SYNE1: variants seen among roughly 807,000 people sequenced by gnomAD.
SYNE1 encodes spectrin repeat containing nuclear envelope protein 1, also known as nesprin-1.
Under a neutral mutation model 1,111.0 loss-of-function variants are expected in SYNE1, and 616 were observed. The ratio of observed to expected loss-of-function variants is 0.55; its 90% confidence interval spans 0.52 to 0.59. The LOEUF is 0.59. SYNE1 is among the 20% of genes least tolerant of loss of function. The pLI is 0.00. For missense variants in SYNE1, 10,006 were observed against 10,417.0 expected, an observed-to-expected ratio of 0.96 and a Z score of 1.72; for synonymous variants, 3,855 against 3,825.8, an observed-to-expected ratio of 1.01 and a Z score of -0.28.
chr6:152,301,131 T>A (rs1311877029), intron 92 of SYNE1, among the ~76,000 whole-genome samples: 1 of 152,216 alleles, frequency 6.6e-6, no homozygotes. Context: ...GAAATAAAGC[T>A]TGGTCTTTTG....
intron 142 of SYNE1, 29 bp from the exon 143 acceptor site, chr6:152,133,517 C>T (rs201748466): frequency 1.2e-6 from 2 of 1,609,368 alleles, no homozygotes; most frequent in Non-Finnish European, 1.7e-6. Flanking sequence ...ATTAATTTTT[C>T]TAAGCATTTT....
chr6:152,431,293 C>G (rs1379011495), intron 34 of SYNE1, among the ~76,000 whole-genome samples: 1 of 152,178 alleles, frequency 6.6e-6, no homozygotes, highest in Admixed American at 6.5e-5. Context: ...TTCAGACTTA[C>G]TAAGTCTAAG....
At chr6:152,230,820 A>T in intron 114 of SYNE1, 118 bp from the exon 115 acceptor site, 1 of 1,181,474 alleles carries the variant, frequency 8.5e-7, no homozygotes, top group Admixed American at 2.0e-5. Context: ...AATACAGTTC[A>T]TCGTATATAT....
chr6:152,353,194 C>T, intron 69 of SYNE1, 69 bp downstream of exon 69: 1 of 1,565,082 alleles, frequency 6.4e-7, no homozygotes, highest in Non-Finnish European at 8.8e-7. Context: ...TTTCCAGTAT[C>T]TATGCAGGAG....
chr6:152,191,563 T>C (rs181219323), intron 127 of SYNE1, among the ~76,000 whole-genome samples: 3 of 152,294 alleles, frequency 2.0e-5, no homozygotes, highest in African/African-American at 7.2e-5. Flanking sequence ...TATTGGCATA[T>C]AGTTGCTCAT....
In SYNE1 at chr6:152,364,927, G is replaced by A. The variant is rs772459606; in HGVS notation, c.10065C>T (p.Gly3355=). The A allele has an allele frequency of 2.5e-6, 4 of 1,614,220 alleles. No homozygotes were observed. The highest frequency in any genetic ancestry group is 2.5e-6 in the Non-Finnish European group (3 of 1,180,044). The change falls in exon 63 of 146, where the codon GGC becomes GGT. Residue 3355 remains glycine (G), a synonymous_variant. Coordinates refer to ENST00000367255, the MANE Select transcript of SYNE1 (RefSeq NM_182961.4). The stretch of plus-strand genomic sequence containing the variant: ...GCAGCTGCTGCTGAATAGTGGGAAT[G>A]CCTTCTGGAGAAGTATTCTGAAGGA... ...ESVLQNTSPE[G]IPTIQQQLQS... is the part of the protein sequence containing the mutation.
chr6:152,268,951 A>G (rs982566460), intron 99 of SYNE1, among the ~76,000 whole-genome samples: 3 of 152,200 alleles, frequency 2.0e-5, no homozygotes, highest in African/African-American at 7.2e-5. Context: ...AGCTTTTCTT[A>G]AAGACTGGAT....
intron 11 of SYNE1, among the ~76,000 whole-genome samples, chr6:152,493,204 T>A (rs181804795): frequency 1.1e-4 from 17 of 152,126 alleles, no homozygotes; most frequent in African/African-American, 3.9e-4. Context: ...CAGTATCCCA[T>A]CCCACAACAG....
At chr6:152,365,484 G>A (rs1276822059) in intron 62 of SYNE1, among the ~76,000 whole-genome samples, 2 of 152,128 alleles carry the variant, frequency 1.3e-5, no homozygotes, top group East Asian at 3.8e-4. Context: ...TTTAGAGACA[G>A]AGTCTATCTT....
Position 152,148,088 on chromosome 6 carries a change from C to T in SYNE1, c.24933G>A (p.Gln8311=), listed in dbSNP as rs1199972696. 1.9e-6 allele frequency: 3 copies of T among 1,614,202 alleles called. No individual in the cohort carries two copies. Among genetic ancestry groups the T allele is most frequent in the South Asian group, 2.2e-5 (2 of 91,082 alleles). ...CCCGGAGGTAGAAATCTTTGTCATC[C>T]TGACCTTCTTCATCCTCAGAGGGCA... The part of the protein sequence containing the change: ...RALPSEDEEG[Q]DDKDFYLRGA... The change falls in exon 137 of 146, where the codon CAG becomes CAA. Residue 8311 remains glutamine, a synonymous_variant. Transcript: ENST00000367255. This position sits in a 1 kb window ranked among gnomAD's most constrained non-coding sequence, Gnocchi z 4.1.
intron 55 of SYNE1, 22 bp from the exon 56 acceptor site, chr6:152,381,384 G>T (rs778229417): frequency 2.6e-5 from 42 of 1,609,260 alleles, no homozygotes; most frequent in Non-Finnish European, 3.5e-5. Flanking sequence ...TATCACCATG[G>T]TAACTGAAGA....
At chr6:152,398,017 A>G (rs2097762747) in intron 49 of SYNE1, among the ~76,000 whole-genome samples, 1 of 151,676 alleles carries the variant, frequency 6.6e-6, no homozygotes, top group African/African-American at 2.4e-5. Context: ...AAAAAAAAAG[A>G]AAAAGGTTAC....
intron 91 of SYNE1, among the ~76,000 whole-genome samples, chr6:152,303,386 G>A (rs931865823): frequency 1.4e-5 from 2 of 145,230 alleles, no homozygotes; most frequent in South Asian, 4.4e-4. Context: ...CTGGGCAACA[G>A]AGTGAGACTC....
rs567971717 is a variant in SYNE1 at position 152,369,363 on chromosome 6, T to G, written c.9651+108A>C. On this transcript the variant is annotated intron_variant, in intron 60 of 145. Transcript: ENST00000367255. ...GAAATGGGGAAAAACACACTATGTC[T>G]CACGGCAGCACAGTCTAACTCAAGG... 467 of 1,533,068 alleles carry G rather than the reference T, an allele frequency of 3.0e-4. 2 individuals are homozygous for G. In the Middle Eastern group the frequency reaches 7.2e-3, roughly 24 times the overall value. The allele number at this position is 1,533,068 out of a possible 1,614,324, so 95.0% of individuals were successfully genotyped here. A position where few individuals can be genotyped will look rare whatever the true frequency, so the allele number is the denominator to read the frequency against.
chr6:152,369,982 CAAAAAAAAAAAAA>C (rs778013525), intron 59 of SYNE1, among the ~76,000 whole-genome samples: 5 of 49,986 alleles, frequency 1.0e-4, no homozygotes, highest in African/African-American at 1.7e-4. Flanking sequence ...GACTCTGTCT[CAAAAAAAAAAAAA>C]AAAAAAAAAA....
At chr6:152,306,310 A>C (rs2153825382) in intron 91 of SYNE1, among the ~76,000 whole-genome samples, 1 of 151,988 alleles carries the variant, frequency 6.6e-6, no homozygotes, top group South Asian at 2.1e-4. Context: ...ACGTGGTGAA[A>C]CCCCGTCTCT....
chr6:152,393,466 T>C (rs560759130), intron 51 of SYNE1, among the ~76,000 whole-genome samples: 1 of 152,082 alleles, frequency 6.6e-6, no homozygotes, highest in South Asian at 2.1e-4. Flanking sequence ...GTTGCAATGA[T>C]GCTAGTATTC....
intron 126 of SYNE1, among the ~76,000 whole-genome samples, chr6:152,205,409 T>C (rs147416617): frequency 8.1e-4 from 123 of 152,338 alleles, no homozygotes; most frequent in African/African-American, 2.9e-3. Context: ...GTCCTCACAA[T>C]GGCCACATGG....
At chr6:152,325,435 C>T in intron 80 of SYNE1, 133 bp from the exon 81 acceptor site, 1 of 781,358 alleles carries the variant, frequency 1.3e-6, no homozygotes, top group South Asian at 1.6e-5. Context: ...TTATTCTCCT[C>T]TAGGTACTCT....
Sources: allele counts gnomAD v4.1 joint callset (sites outside exome capture counted in the v4.1 genomes callset), GRCh38; gene constraint gnomAD v4.1.1; non-coding constraint Gnocchi (gnomAD v3.1); transcripts MANE v1.5; gene names NCBI Gene and HGNC (gene_info 2026-07-23, HGNC 2026-07-21).